Variants in ZNF367 observed in about 807,000 individuals in gnomAD.
ZNF367 encodes zinc finger protein 367.
A neutral mutation model predicts 31.8 loss-of-function variants in ZNF367; 11 were observed. The observed-to-expected ratio is 0.35, with a 90% confidence interval of 0.22 to 0.57. The LOEUF (loss-of-function observed/expected upper bound fraction) is 0.57. Ranked by LOEUF, ZNF367 falls within the 20% of genes least tolerant of loss-of-function variation. ZNF367 has a pLI of 0.85. For synonymous variants in ZNF367, 199 were observed against 202.4 expected (o/e 0.98, Z 0.14); for missense variants, 353 against 484.1 (o/e 0.73, Z 2.54).
chr9:96,389,771 C>T (rs1234630056), intron 4 of ZNF367, among the ~76,000 whole-genome samples: 1 of 151,870 alleles, frequency 6.6e-6, no homozygotes, highest in Admixed American at 6.6e-5. Context: ...ACTTTGTCAC[C>T]CAGGCTGGAG....
At chr9:96,394,713 T>G (rs889693233) in intron 3 of ZNF367, 110 bp downstream of exon 3, 26 of 1,024,468 alleles carry the variant, frequency 2.5e-5, no homozygotes, top group Non-Finnish European at 2.9e-5. Context: ...TATAAAGTTT[T>G]ATAAAATTTA....
In ZNF367 at chr9:96,386,166, T is replaced by G. The variant is rs1440866538; in HGVS notation, c.*2071A>C. 6.6e-6 allele frequency: 1 copy of G among 152,144 alleles called. No homozygotes were observed. Among genetic ancestry groups the G allele is most frequent in the Non-Finnish European group, 1.5e-5 (1 of 68,018 alleles). The allele number at this position is 152,144 out of a possible 1,614,324, so 9.4% of individuals were successfully genotyped here. On this transcript the variant is annotated 3_prime_UTR_variant, in exon 5 of 5. Coordinates refer to ENST00000375256, the MANE Select transcript of ZNF367 (RefSeq NM_153695.4). ...ATATAGCTTATATCAAAAAGAACAT[T>G]TTAAATGTTTCTAAATAGTTGTGAT...
At chr9:96,415,478 CATTTTTTTTTTTTTTTT>C (rs1210018360) in intron 1 of ZNF367, among the ~76,000 whole-genome samples, 5 of 65,518 alleles carry the variant, frequency 7.6e-5, no homozygotes, top group African/African-American at 2.8e-4. Flanking sequence ...TTAGTTTCTT[CATTTTTTTTTTTTTTTT>C]TTTTTTTTTT....
At chr9:96,412,244 G>A (rs914746257) in intron 1 of ZNF367, among the ~76,000 whole-genome samples, 2 of 152,134 alleles carry the variant, frequency 1.3e-5, no homozygotes, top group Non-Finnish European at 2.9e-5. Context: ...TGTCAAGACT[G>A]TTGACGATTC....
At chr9:96,395,515 T>C (rs1831521200) in intron 2 of ZNF367, among the ~76,000 whole-genome samples, 1 of 152,210 alleles carries the variant, frequency 6.6e-6, no homozygotes, top group African/African-American at 2.4e-5. Context: ...CCTCATTAGC[T>C]ACTGGGGTTA....
chr9:96,411,472 AG>A (rs1831749016), intron 1 of ZNF367, among the ~76,000 whole-genome samples: 1 of 151,868 alleles, frequency 6.6e-6, no homozygotes, highest in Non-Finnish European at 1.5e-5. Context: ...CTGAGGTGGG[AG>A]GATCACTTGA....
intron 3 of ZNF367, among the ~76,000 whole-genome samples, chr9:96,393,507 G>T (rs536764690): frequency 1.3e-5 from 2 of 150,974 alleles, no homozygotes; most frequent in East Asian, 3.9e-4. Context: ...GGCGAAAAGT[G>T]AGACTCCATC....
At chr9:96,411,350 C>A (rs1831746719) in intron 1 of ZNF367, among the ~76,000 whole-genome samples, 1 of 151,340 alleles carries the variant, frequency 6.6e-6, no homozygotes, top group African/African-American at 2.4e-5. Flanking sequence ...AGTTTGAGAT[C>A]AGCCTGGGCA....
rs557163832 is a variant in ZNF367 at position 96,389,878 on chromosome 9, C to A, written c.831-1419G>T. Among the ~76,000 whole-genome samples, 24 of 151,526 alleles carry A rather than the reference C, an allele frequency of 1.6e-4. No individual in the cohort carries two copies. In the South Asian group the frequency reaches 4.6e-3, roughly 29 times the overall value. Reference sequence around the variant, plus strand: ...CTGAGTAGCTGGAATTATAGGCGCCCACCACCATGCCTGGCTAATTTTTTT... The same window carrying A: ...CTGAGTAGCTGGAATTATAGGCGCCAACCACCATGCCTGGCTAATTTTTTT... On this transcript the variant is annotated intron_variant, in intron 4 of 4. Transcript: ENST00000375256.
At chr9:96,393,698 G>A (rs1356850913) in intron 3 of ZNF367, among the ~76,000 whole-genome samples, 1 of 151,926 alleles carries the variant, frequency 6.6e-6, no homozygotes, top group Non-Finnish European at 1.5e-5. Context: ...GGGTATGGTC[G>A]CGTATGCCTG....
At chr9:96,397,032 TAATC>T (rs1831540550) in intron 2 of ZNF367, among the ~76,000 whole-genome samples, 2 of 152,216 alleles carry the variant, frequency 1.3e-5, no homozygotes, top group Non-Finnish European at 1.5e-5. Context: ...TTTCAATACA[TAATC>T]AACAGTAAAA....
chr9:96,414,504 G>A (rs1004580582), intron 1 of ZNF367, among the ~76,000 whole-genome samples: 22 of 151,720 alleles, frequency 1.5e-4, no homozygotes, highest in East Asian at 3.9e-4. Flanking sequence ...TTTTTAAGAC[G>A]GAGTCTCACT....
chr9:96,405,371 A>C (rs1831659375), intron 1 of ZNF367, among the ~76,000 whole-genome samples: 1 of 151,942 alleles, frequency 6.6e-6, no homozygotes, highest in South Asian at 2.1e-4. Context: ...GGAAAATGCT[A>C]ATTGAAACCA....
rs1423015814 is a variant in ZNF367, at chr9:96,403,695, C to A, written c.421-5381G>T. On this transcript the variant is annotated intron_variant, in intron 1 of 4. Coordinates refer to ENST00000375256, the MANE Select transcript of ZNF367 (RefSeq NM_153695.4). Reference sequence around the variant, plus strand: ...GACCAATGAAATAAAATTTAGAGTACAGAACCTAACCTATACATGAAAGGC... The same window carrying A: ...GACCAATGAAATAAAATTTAGAGTAAAGAACCTAACCTATACATGAAAGGC... 2.0e-5 allele frequency among the ~76,000 whole-genome samples: 3 copies of A among 152,116 alleles called. No individual in the cohort carries two copies. In the South Asian group the frequency reaches 6.2e-4, roughly 32 times the overall value.
Position 96,386,123 on chromosome 9 carries a change from C to G in ZNF367, c.*2114G>C, listed in dbSNP as rs1245303175. 1.3e-5 allele frequency: 2 copies of G among 151,922 alleles called. No homozygotes were observed. Among genetic ancestry groups the G allele is most frequent in the Non-Finnish European group, 1.5e-5 (1 of 67,984 alleles). The allele number at this position is 151,922 out of a possible 1,614,324, so 9.4% of individuals were successfully genotyped here. On this transcript the variant is annotated 3_prime_UTR_variant, in exon 5 of 5. Transcript: ENST00000375256. ...TTAACACACCTCAAATTTTAGATACCAATGTATTTTTCCAAGTATATAGCT... is the reference window on the plus strand; with the variant it reads ...TTAACACACCTCAAATTTTAGATACGAATGTATTTTTCCAAGTATATAGCT...
chr9:96,414,431 T>C (rs1473067825), intron 1 of ZNF367, among the ~76,000 whole-genome samples: 2 of 152,166 alleles, frequency 1.3e-5, no homozygotes, highest in African/African-American at 4.8e-5. Flanking sequence ...ACTTTACCTC[T>C]GAAAAGAGGT....
chr9:96,405,792 A>G (rs1243714977), intron 1 of ZNF367, among the ~76,000 whole-genome samples: 2 of 152,210 alleles, frequency 1.3e-5, no homozygotes, highest in Non-Finnish European at 2.9e-5. Flanking sequence ...GTCTGCATGT[A>G]GTAGGGAACA....
intron 1 of ZNF367, chr9:96,407,604 TAAACAGAAACG>T: frequency 6.8e-7 from 1 of 1,466,682 alleles, no homozygotes; most frequent in South Asian, 1.1e-5. Context: ...CCAATATGAT[TAAACAGAAACG>T]AAAAGAGAAG....
intron 1 of ZNF367, among the ~76,000 whole-genome samples, chr9:96,409,813 C>G (rs1396032499): frequency 3.3e-5 from 5 of 152,154 alleles, no homozygotes; most frequent in Non-Finnish European, 4.4e-5. Context: ...TCTTCATTGC[C>G]ATCATTTATT....
Sources: allele counts gnomAD v4.1 joint callset (sites outside exome capture counted in the v4.1 genomes callset), GRCh38; gene constraint gnomAD v4.1.1; transcripts MANE v1.5; gene names NCBI Gene and HGNC (gene_info 2026-07-23, HGNC 2026-07-21).